KRTAP4-16: variants seen among roughly 807,000 people sequenced by gnomAD.
The protein encoded by KRTAP4-16 is keratin associated protein 4-16, also known as keratin-associated protein 4-16.
For missense variants in KRTAP4-16, 378 were observed against 233.5 expected, an observed-to-expected ratio of 1.62 and a Z score of -4.03; for synonymous variants, 140 against 88.8, an observed-to-expected ratio of 1.58 and a Z score of -3.24.
At chr17:41,101,797 G>T (rs1200916619) in exon 1 of KRTAP4-16, 7 of 1,564,462 alleles carry the variant, frequency 4.5e-6, no homozygotes, top group Admixed American at 1.9e-5. Flanking sequence ...GACGTGGCAG[G>T]AGACTCGACC....
exon 1 of KRTAP4-16, chr17:41,101,790 G>C (rs748719196): frequency 1.3e-6 from 2 of 1,557,568 alleles, no homozygotes; most frequent in Admixed American, 3.8e-5. Flanking sequence ...AGCAAGTGAC[G>C]TGGCAGGAGA....
chr17:41,102,152 G>A, exon 1 of KRTAP4-16: 1 of 1,493,528 alleles, frequency 6.7e-7, no homozygotes, highest in South Asian at 1.1e-5. Context: ...CAGTTGGGTG[G>A]GCTGGCAGCA....
exon 1 of KRTAP4-16, chr17:41,102,141 G>A (rs1444980598): frequency 1.3e-6 from 2 of 1,527,828 alleles, no homozygotes; most frequent in Admixed American, 3.3e-5. Context: ...TGGGGTGACA[G>A]CAGTTGGGTG....
exon 1 of KRTAP4-16, chr17:41,101,962 C>G: frequency 6.2e-7 from 1 of 1,604,580 alleles, no homozygotes; most frequent in Non-Finnish European, 8.5e-7. Context: ...GGACACACAG[C>G]AGCTGGGGTG....
At chr17:41,102,073 G>A in exon 1 of KRTAP4-16, 1 of 1,594,518 alleles carries the variant, frequency 6.3e-7, no homozygotes. Flanking sequence ...GCAGCAGCTG[G>A]ACACAGAGCA....
Position 41,101,788 on chromosome 17 carries a change from A to G in KRTAP4-16, c.422T>C (p.Val141Ala), listed in dbSNP as rs749531177. 74 of 1,553,922 alleles carry G rather than the reference A, an allele frequency of 4.8e-5. 1 individual carries two copies. The highest frequency in any genetic ancestry group is 6.0e-5 in the Non-Finnish European group (69 of 1,145,690). Residue 141 changes from valine to alanine, a missense_variant, in exon 1 of 1, where the codon GTC (valine) becomes GCC (alanine). By Grantham distance (64) the Val-to-Ala change is moderately conservative. Coordinates refer to ENST00000440582, the Ensembl canonical transcript of KRTAP4-16. ...GACACAGGTTGGGTGATAGCAAGTG[A>G]CGTGGCAGGAGACTCGACCACAGAC...
exon 1 of KRTAP4-16, chr17:41,101,792 G>A: frequency 6.4e-7 from 1 of 1,559,296 alleles, no homozygotes; most frequent in South Asian, 1.2e-5. Context: ...CAAGTGACGT[G>A]GCAGGAGACT....
exon 1 of KRTAP4-16, chr17:41,101,568 G>C (rs1175746659): frequency 3.5e-5 from 14 of 404,686 alleles, no homozygotes; most frequent in Non-Finnish European, 4.6e-5. Context: ...GGGAGGGGAG[G>C]GGAGGGGAAA....
the KRTAP4-16 span, chr17:41,101,698 G>GGGGAAGGGAGGGGAAGGGGTGGGGGA: frequency 1.2e-6 from 1 of 825,638 alleles, no homozygotes; most frequent in East Asian, 3.2e-5. Context: ...GGGAACGGGT[G>GGGGAAGGGAGGGGAAGGGGTGGGGGA]GGGAAGGGAA....
At chr17:41,102,077 C>T (rs751746447) in exon 1 of KRTAP4-16, 1 of 1,593,288 alleles carries the variant, frequency 6.3e-7, no homozygotes, top group Non-Finnish European at 8.6e-7. Flanking sequence ...CAGCTGGACA[C>T]AGAGCAGCTG....
chr17:41,101,698 G>GGGGAA, the KRTAP4-16 span: 136 of 825,804 alleles, frequency 1.6e-4, 3 homozygotes, highest in African/African-American at 2.1e-3. Flanking sequence ...GGGAACGGGT[G>GGGGAA]GGGAAGGGAA....
At chr17:41,102,041 C>G (rs79454827) in exon 1 of KRTAP4-16, 2 of 1,605,840 alleles carry the variant, frequency 1.2e-6, no homozygotes, top group Non-Finnish European at 1.7e-6. Context: ...TGGCAGCACA[C>G]GGAATGGCAG....
chr17:41,101,781 G>T, the KRTAP4-16 span: 2 of 1,546,180 alleles, frequency 1.3e-6, no homozygotes, highest in Non-Finnish European at 1.8e-6. Context: ...TTGGGTGATA[G>T]CAAGTGACGT....
exon 1 of KRTAP4-16, chr17:41,101,587 AGAGAAG>A (rs1567961389): frequency 4.0e-6 from 1 of 247,244 alleles, no homozygotes. Context: ...AAGTGAAGGG[AGAGAAG>A]GGGAAGGGGA....
At chr17:41,102,010 C>A in exon 1 of KRTAP4-16, 4 of 1,592,654 alleles carry the variant, frequency 2.5e-6, no homozygotes, top group Non-Finnish European at 2.6e-6. Flanking sequence ...CTGACAGCAG[C>A]TGGGGCGGCA....
At chr17:41,101,637 AG>A in the KRTAP4-16 span, 2 of 444,656 alleles carry the variant, frequency 4.5e-6, no homozygotes, top group Non-Finnish European at 8.1e-6. Context: ...AGAGGAGGGG[AG>A]GGGAAGGGCG....
chr17:41,101,513 T>C lies in KRTAP4-16; in HGVS notation c.697A>G (p.Met233Val), dbSNP rs1168675129. Residue 233 changes from methionine to valine, a missense_variant, in exon 1 of 1, where the codon ATG (methionine) becomes GTG (valine). Transcript: ENST00000440582. Reference sequence around the variant, plus strand: ...AATATGCAGGAGGTTTATTGAAGCATGCTCTTGGGATTAACACTGGGGAAA... The same window carrying C: ...AATATGCAGGAGGTTTATTGAAGCACGCTCTTGGGATTAACACTGGGGAAA... The C allele has an allele frequency of 6.7e-6, 3 of 447,764 alleles. No homozygotes were observed. The African/African-American group carries it at 9.1e-5, about 14-fold the overall frequency. 27.7% of individuals were successfully genotyped at this position (447,764 alleles called of 1,614,324 possible).
At chr17:41,102,180 G>A (rs1244753590) in exon 1 of KRTAP4-16, 2 of 1,323,192 alleles carry the variant, frequency 1.5e-6, no homozygotes. Flanking sequence ...TGGAAGCACT[G>A]GGGCTGCATG....
chr17:41,102,160 G>A (rs750810670), exon 1 of KRTAP4-16: 5 of 1,466,064 alleles, frequency 3.4e-6, no homozygotes, highest in East Asian at 2.3e-5. Flanking sequence ...TGGGCTGGCA[G>A]CACACAGACT....
Sources: gnomAD v4.1 joint callset for allele counts on GRCh38, gnomAD v4.1.1 for gene constraint, MANE v1.5 for transcripts, NCBI Gene and HGNC (gene_info 2026-07-23, HGNC 2026-07-21) for gene names.